AP3D1: variants seen among roughly 807,000 people sequenced by gnomAD.
AP3D1 encodes AP-3 complex subunit delta-1.
Under a neutral mutation model 147.6 loss-of-function variants are expected in AP3D1, and 51 were observed. The observed-to-expected ratio is 0.35, with a 90% CI of 0.28 to 0.44. The LOEUF is 0.44. Among genes scored for constraint, AP3D1 ranks in the 20% least tolerant of loss-of-function variants. The pLI, the probability that AP3D1 is intolerant of heterozygous loss-of-function variation, is 1.00. For synonymous variants in AP3D1, 760 were observed against 663.0 expected, an observed-to-expected ratio of 1.15 and a Z score of -2.25; for missense variants, 1,421 against 1,624.2, an observed-to-expected ratio of 0.87 and a Z score of 2.15.
At chr19:2,120,650 G>GGGCAGAC (rs1437634825) in intron 14 of AP3D1, among the ~76,000 whole-genome samples, 1 of 152,196 alleles carries the variant, frequency 6.6e-6, no homozygotes, top group Non-Finnish European at 1.5e-5. Flanking sequence ...CGAGGGCAGA[G>GGGCAGAC]GGCAGACAGG....
intron 16 of AP3D1, 71 bp from the exon 17 acceptor site, chr19:2,116,817 C>T (rs1347821174): frequency 1.3e-6 from 2 of 1,495,756 alleles, no homozygotes; most frequent in South Asian, 1.3e-5. Flanking sequence ...CCGCCCTGAG[C>T]AGGCTCACCA....
chr19:2,149,110 C>T (rs770722688), intron 1 of AP3D1, among the ~76,000 whole-genome samples: 1 of 152,282 alleles, frequency 6.6e-6, no homozygotes, highest in African/African-American at 2.4e-5. Flanking sequence ...TGAGTTACCA[C>T]CCTCTGGACC....
Position 2,110,796 on chromosome 19 carries a change from C to G in AP3D1, c.3086G>C (p.Ser1029Thr). 2 of 1,613,510 alleles carry G rather than the reference C, an allele frequency of 1.2e-6. No homozygotes were observed. The highest frequency in any genetic ancestry group is 2.2e-5 in the South Asian group (2 of 91,066). The change falls in exon 27 of 32, where the codon AGC becomes ACC. Residue 1029 changes from serine to threonine, a missense_variant. Coordinates refer to ENST00000643116, the MANE Select transcript of AP3D1 (RefSeq NM_001261826.3). ...CCTGGCATTGAGTGAGTCCAGCACGCTGAGCTCCATGCCCTTGAGGATGCT... is the reference window on the plus strand; with the variant it reads ...CCTGGCATTGAGTGAGTCCAGCACGGTGAGCTCCATGCCCTTGAGGATGCT... Reference protein sequence around the residue: ...SSSILKGMELSVLDSLNARMA... With the variant: ...SSSILKGMELTVLDSLNARMA...
intron 5 of AP3D1, among the ~76,000 whole-genome samples, chr19:2,132,152 A>C (rs1356296871): frequency 1.3e-5 from 2 of 152,084 alleles, no homozygotes; most frequent in African/African-American, 4.8e-5. Flanking sequence ...AGAGGACCAC[A>C]CAGAAGCCCA....
chr19:2,111,625 G>A (rs78496920), intron 25 of AP3D1, 54 bp downstream of exon 25: 21,371 of 1,529,850 alleles, frequency 0.014, 224 homozygotes, highest in Middle Eastern at 0.028. Flanking sequence ...GGGGAGCAGC[G>A]CACAGCCCGC....
Position 2,102,158 on chromosome 19 carries a change from G to A in AP3D1, c.*15C>T, listed in dbSNP as rs1218339976. The A allele has an allele frequency of 6.2e-7, 1 of 1,606,634 alleles. No individual in the cohort carries two copies. The highest frequency in any genetic ancestry group is 8.5e-7 in the Non-Finnish European group (1 of 1,174,126). On this transcript the variant is annotated 3_prime_UTR_variant, in exon 32 of 32. Coordinates refer to ENST00000643116, the MANE Select transcript of AP3D1 (RefSeq NM_001261826.3). ...TACGTGCTCCGCGGGGTGGTGCGGG[G>A]CTCGCAGGCAGCTCTCAACACTTGG... is the stretch of plus-strand genomic sequence containing the variant.
rs536746482 is a variant in AP3D1 at position 2,131,630 on chromosome 19, G to A, written c.462+841C>T. On this transcript the variant is annotated intron_variant, in intron 5 of 31. Transcript: ENST00000643116. ...AGCCACGCGGGGACAGCGCCCATCGGCCACGATCTAGACACCTCCAGGCGG... is the reference window on the plus strand; with the variant it reads ...AGCCACGCGGGGACAGCGCCCATCGACCACGATCTAGACACCTCCAGGCGG... Among the ~76,000 whole-genome samples the A allele has an allele frequency of 4.2e-4, 60 of 141,570 alleles. 1 individual carries two copies. Among genetic ancestry groups the A allele is most frequent in the Non-Finnish European group, 6.7e-4 (45 of 66,734 alleles). The allele number at this position is 141,570 out of a possible 152,430, so 92.9% of individuals were successfully genotyped here.
At chr19:2,154,801 A>G (rs915376297), upstream of AP3D1, among the ~76,000 whole-genome samples, 6 of 152,256 alleles carry the variant, frequency 3.9e-5, no homozygotes, top group African/African-American at 1.4e-4. Flanking sequence ...CAGTCAGTCT[A>G]TTCATATGAG....
intron 1 of AP3D1, among the ~76,000 whole-genome samples, chr19:2,139,482 A>T (rs1181860444): frequency 6.6e-6 from 1 of 152,154 alleles, no homozygotes; most frequent in Non-Finnish European, 1.5e-5. Context: ...ACCCAAGCGA[A>T]CTCAGGCACG....
chr19:2,160,807 T>G (rs1408576070), intron 1 of AP3D1, among the ~76,000 whole-genome samples: 1 of 152,170 alleles, frequency 6.6e-6, no homozygotes, highest in Non-Finnish European at 1.5e-5. Flanking sequence ...GATTGTTCTC[T>G]GGGGTGGGCT....
At chr19:2,162,011 C>T (rs2019704135) in intron 1 of AP3D1, among the ~76,000 whole-genome samples, 1 of 147,156 alleles carries the variant, frequency 6.8e-6, no homozygotes, top group Non-Finnish European at 1.5e-5. Context: ...ATCTTTCCAA[C>T]AACAAAGAAA....
intron 4 of AP3D1, among the ~76,000 whole-genome samples, chr19:2,135,476 C>T (rs1317004330): frequency 6.6e-6 from 1 of 152,152 alleles, no homozygotes; most frequent in Non-Finnish European, 1.5e-5. Context: ...GCAGAGGTTG[C>T]GGTGAGCCGA....
chr19:2,119,271 A>G (rs918021902), intron 14 of AP3D1, among the ~76,000 whole-genome samples: 1 of 152,214 alleles, frequency 6.6e-6, no homozygotes. Flanking sequence ...AGAAAATGAT[A>G]GAAGTGGCCG....
In AP3D1 at chr19:2,158,383, G is replaced by T. The variant is rs1400491469; in HGVS notation, c.-103+5973C>A. 2.7e-5 allele frequency among the ~76,000 whole-genome samples: 4 copies of T among 149,852 alleles called. No individual in the cohort carries two copies. The East Asian group carries it at 5.8e-4, about 22-fold the overall frequency. On this transcript the variant is annotated intron_variant, in intron 1 of 14. Coordinates refer to the AP3D1 transcript ENST00000643010. Reference sequence around the variant, plus strand: ...TTTTTTTTTTTTTTTTAGAGATAGGGTCTTGCTCTGTTCCCTGGGTTGTAG... The same window carrying T: ...TTTTTTTTTTTTTTTTAGAGATAGGTTCTTGCTCTGTTCCCTGGGTTGTAG...
At chr19:2,149,236 ACCCTGCG>A (rs1247190677) in intron 1 of AP3D1, among the ~76,000 whole-genome samples, 1 of 152,110 alleles carries the variant, frequency 6.6e-6, no homozygotes, top group Non-Finnish European at 1.5e-5. Context: ...TTCAAGGACA[ACCCTGCG>A]CCGTTTTAAA....
chr19:2,153,366 A>G (rs1202071291), upstream of AP3D1, among the ~76,000 whole-genome samples: 4 of 135,856 alleles, frequency 2.9e-5, no homozygotes, highest in Non-Finnish European at 6.3e-5. Context: ...AGAGCGAAAC[A>G]TGGTCTCAAA....
intron 15 of AP3D1, among the ~76,000 whole-genome samples, chr19:2,117,639 C>A (rs989838616): frequency 2.0e-5 from 3 of 152,248 alleles, no homozygotes; most frequent in Non-Finnish European, 4.4e-5. Flanking sequence ...AGGTCAGTGC[C>A]CCGACACCAG....
intron 31 of AP3D1, 64 bp from the exon 32 acceptor site, chr19:2,102,332 G>A (rs191581761): frequency 2.8e-6 from 4 of 1,427,024 alleles, no homozygotes; most frequent in African/African-American, 2.8e-5. Context: ...GGTGGCTCAA[G>A]TCTGTGATCC....
chr19:2,126,225 T>C (rs1375572282), intron 9 of AP3D1, among the ~76,000 whole-genome samples: 1 of 152,152 alleles, frequency 6.6e-6, no homozygotes, highest in African/African-American at 2.4e-5. Flanking sequence ...TTATCAACCA[T>C]AAGGAAGTCC....
Sources: gnomAD v4.1 joint callset for allele counts (sites outside exome capture counted in the v4.1 genomes callset) on GRCh38, gnomAD v4.1.1 for gene constraint, MANE v1.5 for transcripts, NCBI Gene and HGNC (gene_info 2026-07-23, HGNC 2026-07-21) for gene names.